CALHM2: variants seen among roughly 807,000 people sequenced by gnomAD.
CALHM2 encodes calcium homeostasis modulator family member 2.
Under a neutral mutation model 20.4 loss-of-function variants are expected in CALHM2, and 18 were observed. The observed-to-expected ratio is 0.88, with a 90% confidence interval of 0.61 to 1.31. The LOEUF is 1.31. CALHM2 is among the 50% of genes most tolerant of loss of function. The pLI, the probability that CALHM2 is intolerant of heterozygous loss-of-function variation, is 0.00. For synonymous variants in CALHM2, 193 were observed against 192.1 expected (o/e 1.00, Z -0.04); for missense variants, 411 against 435.7 (o/e 0.94, Z 0.50).
Position 103,449,530 on chromosome 10 carries a change from G to T in CALHM2, c.412C>A (p.Pro138Thr). The T allele has an allele frequency of 1.2e-6, 2 of 1,613,676 alleles. No homozygotes were observed. The highest frequency in any genetic ancestry group is 1.7e-6 in the Non-Finnish European group (2 of 1,180,022). Residue 138 changes from proline (P) to threonine (T), a missense_variant, in exon 3 of 4, where the codon CCT becomes ACT. By Grantham distance (38) the Pro-to-Thr change is conservative. Coordinates refer to ENST00000260743, the MANE Select transcript of CALHM2 (RefSeq NM_015916.5). ...TCTTCCCTGGCCGTGAGTGAGGAAG[G>T]GTCCACGAACTCACTGAGAGCACAG... The part of the protein sequence containing the change: ...YVCALSEFVD[P>T]SSLTAREEHF...
Position 103,449,717 on chromosome 10 carries a change from G to T in CALHM2, c.225C>A (p.Leu75=). 1 of 1,613,732 alleles carries T rather than the reference G, an allele frequency of 6.2e-7. No homozygotes were observed. The highest frequency in any genetic ancestry group is 8.5e-7 in the Non-Finnish European group (1 of 1,180,040). Residue 75 remains leucine, a synonymous_variant, in exon 3 of 4, where the codon CTC becomes CTA. Coordinates refer to ENST00000260743, the MANE Select transcript of CALHM2 (RefSeq NM_015916.5). ...ALVLFIIGII[L]NNHTWNLVAE... The stretch of plus-strand genomic sequence containing the variant: ...CCACGAGGTTCCAGGTGTGGTTGTT[G>T]AGGATGATGCCAATGATGAAGAGCA...
chr10:103,449,197 G>A (rs764222513), intron 3 of CALHM2, 190 bp downstream of exon 3: 1 of 621,008 alleles, frequency 1.6e-6, no homozygotes, highest in Non-Finnish European at 2.9e-6. Context: ...TGATAAAACT[G>A]TCTTATTTGT....
intron 2 of CALHM2, 176 bp from the exon 3 acceptor site, chr10:103,450,275 G>A (rs956454508): frequency 5.9e-6 from 2 of 336,974 alleles, no homozygotes; most frequent in African/African-American, 4.2e-5. Context: ...CATCCTCACA[G>A]TCCCACGTTG....
intron 3 of CALHM2, among the ~76,000 whole-genome samples, chr10:103,447,877 C>A (rs1454252193): frequency 6.6e-6 from 1 of 152,196 alleles, no homozygotes; most frequent in African/African-American, 2.4e-5. Flanking sequence ...TCAAAGGCCC[C>A]TCTGGGAGCA....
Position 103,447,468 on chromosome 10 carries a change from T to C in CALHM2, c.656A>G (p.Tyr219Cys). 6.2e-7 allele frequency: 1 copy of C among 1,614,008 alleles called. No homozygotes were observed. The highest frequency in any genetic ancestry group is 1.1e-5 in the South Asian group (1 of 91,080). Residue 219 changes from tyrosine (Y) to cysteine (C), a missense_variant, in exon 4 of 4, where the codon TAC becomes TGC. Tyr to Cys is a radical substitution (Grantham distance 194). Coordinates refer to ENST00000260743, the MANE Select transcript of CALHM2 (RefSeq NM_015916.5). ...CTCATTGGCGCGGTACTGCGCCCAG[T>C]AGGCCTCCTGGCGGTAGCTGAGTGG... Reference protein sequence around the residue: ...CSPLSYRQEAYWAQYRANEDQ... With the variant: ...CSPLSYRQEACWAQYRANEDQ...
chr10:103,449,889 C>T lies in CALHM2; in HGVS notation c.53G>A (p.Ser18Asn). The T allele has an allele frequency of 6.2e-7, 1 of 1,612,934 alleles. No individual in the cohort carries two copies. Among genetic ancestry groups the T allele is most frequent in the Non-Finnish European group, 8.5e-7 (1 of 1,179,804 alleles). ...GCCGTTGAAAATCATCACATCCTTG[C>T]TCTTGAAGAAAAGTGACAGGAAGCG... is the stretch of plus-strand genomic sequence containing the variant. The part of the protein sequence containing the change: ...NFRFLSLFFK[S>N]KDVMIFNGLV... The change falls in exon 3 of 4, where the codon AGC (serine) becomes AAC (asparagine). Residue 18 changes from serine to asparagine, a missense_variant. Coordinates refer to ENST00000260743, the MANE Select transcript of CALHM2 (RefSeq NM_015916.5).
chr10:103,447,623 C>T, intron 3 of CALHM2, 55 bp from the exon 4 acceptor site: 3 of 1,433,902 alleles, frequency 2.1e-6, no homozygotes, highest in Non-Finnish European at 2.8e-6. Context: ...TAAGCCCTAC[C>T]CCCCAGAGCG....
At chr10:103,450,760 T>A (rs901028829) in intron 2 of CALHM2, 2 of 152,194 alleles carry the variant, frequency 1.3e-5, no homozygotes, top group Admixed American at 6.5e-5. Context: ...AGATTCCTCA[T>A]CAGTGAAAAG....
In CALHM2 at chr10:103,449,951, C is replaced by T. The variant is rs200308635; in HGVS notation, c.-10G>A. On this transcript the variant is annotated 5_prime_UTR_variant, in exon 3 of 4. Transcript: ENST00000260743. Reference sequence around the variant, plus strand: ...CGATCAGGGCTGCCATGGCGATAGTCGTGGCGGGGTGGATTGCAGGAGAGG... The same window carrying T: ...CGATCAGGGCTGCCATGGCGATAGTTGTGGCGGGGTGGATTGCAGGAGAGG... The T allele has an allele frequency of 2.2e-5, 35 of 1,603,690 alleles. No homozygotes were observed. Among genetic ancestry groups the T allele is most frequent in the Non-Finnish European group, 2.6e-5 (31 of 1,173,652 alleles).
rs75516366 is a variant in CALHM2 at position 103,449,710 on chromosome 10, GGTT to G, written c.229_231del (p.Asn77del). 6.2e-5 allele frequency: 100 copies of G among 1,613,786 alleles called. 1 individual carries two copies. The East Asian group carries it at 1.8e-3, about 30-fold the overall frequency. On this transcript the variant is annotated inframe_deletion, in exon 3 of 4. Transcript: ENST00000260743. The stretch of plus-strand genomic sequence containing the variant: ...CACTCGGCCACGAGGTTCCAGGTGT[GGTT>G]GTTGAGGATGATGCCAATGATGAAG...
At position 103,449,746 on chromosome 10, in the gene CALHM2, G is replaced by A; in HGVS notation, c.196C>T (p.Leu66=). ...ATGATGCCAATGATGAAGAGCACCA[G>A]GGCGGGCACGCCGATGGCCGCCAGC... is the stretch of plus-strand genomic sequence containing the variant. ...YGLAAIGVPA[L]VLFIIGIILN... Residue 66 remains leucine (L), a synonymous_variant, in exon 3 of 4, where the codon CTG becomes TTG. Transcript: ENST00000260743. 1 of 1,613,526 alleles carries A rather than the reference G, an allele frequency of 6.2e-7. No homozygotes were observed. The highest frequency in any genetic ancestry group is 8.5e-7 in the Non-Finnish European group (1 of 1,180,030).
At chr10:103,451,472 A>G (rs568598977) in intron 1 of CALHM2, 187 bp from the exon 2 acceptor site, 36 of 152,544 alleles carry the variant, frequency 2.4e-4, no homozygotes, top group African/African-American at 8.2e-4. Flanking sequence ...GTGAGCGCCA[A>G]ACACAGACCT....
chr10:103,452,228 C>A lies in CALHM2; in HGVS notation c.-434G>T, dbSNP rs1357309048. On this transcript the variant is annotated 5_prime_UTR_variant, in exon 1 of 4. Coordinates refer to ENST00000260743, the MANE Select transcript of CALHM2 (RefSeq NM_015916.5). ...ACTCTCCAAGTGGCCTCCAGGAGGGCGGTGCAGGGCAGCGGCGGCCTCCGC... is the reference window on the plus strand; with the variant it reads ...ACTCTCCAAGTGGCCTCCAGGAGGGAGGTGCAGGGCAGCGGCGGCCTCCGC... 4 of 152,432 alleles carry A rather than the reference C, an allele frequency of 2.6e-5. No individual in the cohort carries two copies. Among genetic ancestry groups the A allele is most frequent in the Non-Finnish European group, 5.9e-5 (4 of 68,190 alleles). 9.4% of individuals were successfully genotyped at this position (152,432 alleles called of 1,614,324 possible).
At chr10:103,449,095 A>G (rs774223699) in intron 3 of CALHM2, among the ~76,000 whole-genome samples, 31 of 152,206 alleles carry the variant, frequency 2.0e-4, no homozygotes, top group Non-Finnish European at 3.8e-4. Flanking sequence ...TGTGATTGCA[A>G]TTAAGGCCCA....
At chr10:103,451,370 A>G (rs2032976256) in intron 1 of CALHM2, 85 bp from the exon 2 acceptor site, 1 of 152,402 alleles carries the variant, frequency 6.6e-6, no homozygotes, top group South Asian at 2.1e-4. Context: ...AGCCTGAGAG[A>G]CAGGCCAGGG....
rs199834945 is a variant in CALHM2, at chr10:103,447,426, C to T, written c.698G>A (p.Arg233His). The T allele has an allele frequency of 1.1e-5, 18 of 1,614,176 alleles. No individual in the cohort carries two copies. Among genetic ancestry groups the T allele is most frequent in the South Asian group, 8.8e-5 (8 of 91,084 alleles). ...CACCCGAGAGTGCACCTCGGCCGTG[C>T]GCTGGAACAGCTGGTCCTCATTGGC... is the stretch of plus-strand genomic sequence containing the variant. ...YRANEDQLFQRTAEVHSRVLA... is the reference protein window; with the variant it reads ...YRANEDQLFQHTAEVHSRVLA... Residue 233 changes from arginine (R) to histidine (H), a missense_variant, in exon 4 of 4, where the codon CGC becomes CAC. By Grantham distance (29) the Arg-to-His change is conservative. Transcript: ENST00000260743.
intron 2 of CALHM2, 200 bp from the exon 3 acceptor site, chr10:103,450,299 C>T (rs1396798029): frequency 4.0e-6 from 1 of 252,104 alleles, no homozygotes; most frequent in Non-Finnish European, 7.7e-6. Flanking sequence ...TGTGTGCCCG[C>T]CGTGCACTAG....
intron 2 of CALHM2, 57 bp from the exon 3 acceptor site, chr10:103,450,156 T>C: frequency 1.7e-6 from 1 of 591,088 alleles, no homozygotes; most frequent in Non-Finnish European, 3.0e-6. Flanking sequence ...TTGAGGAAGA[T>C]GCTAGTGTGG....
Position 103,447,466 on chromosome 10 carries a change from A to C in CALHM2, c.658T>G (p.Trp220Gly). The C allele has an allele frequency of 3.7e-6, 6 of 1,614,098 alleles. No individual in the cohort carries two copies. The highest frequency in any genetic ancestry group is 5.1e-6 in the Non-Finnish European group (6 of 1,179,926). ...SPLSYRQEAY[W>G]AQYRANEDQL... is the part of the protein sequence containing the mutation. ...TCCTCATTGGCGCGGTACTGCGCCC[A>C]GTAGGCCTCCTGGCGGTAGCTGAGT... Residue 220 changes from tryptophan to glycine, a missense_variant, in exon 4 of 4, where the codon TGG (tryptophan) becomes GGG (glycine). By Grantham distance (184) the Trp-to-Gly change is radical (BLOSUM62 -2). Coordinates refer to ENST00000260743, the MANE Select transcript of CALHM2 (RefSeq NM_015916.5).
Sources: gnomAD v4.1 joint callset for allele counts (sites outside exome capture counted in the v4.1 genomes callset) on GRCh38, gnomAD v4.1.1 for gene constraint, MANE v1.5 for transcripts, NCBI Gene and HGNC (gene_info 2026-07-23, HGNC 2026-07-21) for gene names.